Variants in FMN1 observed in about 807,000 individuals in gnomAD.
FMN1 encodes formin 1, also known as formin-1.
FMN1 carries 110 observed loss-of-function variants against 132.4 expected under a neutral mutation model. That is an observed-to-expected ratio of 0.83 (90% CI 0.71 to 0.97). The LOEUF (loss-of-function observed/expected upper bound fraction) is 0.97, where lower values mean the gene tolerates loss of function less well. FMN1 is among the 50% of genes least tolerant of loss of function. FMN1 has a pLI of 0.00. For missense variants in FMN1, 1,792 were observed against 1,705.3 expected, an observed-to-expected ratio of 1.05 and a Z score of -0.90; for synonymous variants, 722 against 651.7, an observed-to-expected ratio of 1.11 and a Z score of -1.64.
chr15:33,086,923 C>T (rs910044097), intron 5 of FMN1, among the ~76,000 whole-genome samples: 2 of 152,228 alleles, frequency 1.3e-5, no homozygotes, highest in African/African-American at 2.4e-5. Flanking sequence ...GGTTCTCCTG[C>T]TCTTTGATTG....
At chr15:33,099,812 A>G (rs968800086) in intron 4 of FMN1, among the ~76,000 whole-genome samples, 3 of 152,200 alleles carry the variant, frequency 2.0e-5, no homozygotes, top group Admixed American at 2.0e-4. Flanking sequence ...AAGTGGGAAT[A>G]TGGTATGAGT....
chr15:33,120,030 G>A (rs1385077974), intron 4 of FMN1, among the ~76,000 whole-genome samples: 1 of 152,122 alleles, frequency 6.6e-6, no homozygotes, highest in Non-Finnish European at 1.5e-5. Context: ...AATTTTAACA[G>A]GTGGGGAAAC....
chr15:32,928,229 A>G (rs1313110358), intron 9 of FMN1, among the ~76,000 whole-genome samples: 1 of 152,166 alleles, frequency 6.6e-6, no homozygotes, highest in Non-Finnish European at 1.5e-5. Flanking sequence ...GCATGTCAAT[A>G]TTCGCCTTAG....
At chr15:33,071,098 G>A (rs2037980931) in intron 5 of FMN1, among the ~76,000 whole-genome samples, 1 of 152,130 alleles carries the variant, frequency 6.6e-6, no homozygotes, top group Non-Finnish European at 1.5e-5. Context: ...GTCTTTAACT[G>A]GGATGTGAAG....
At chr15:32,913,018 G>C (rs55741843) in intron 10 of FMN1, among the ~76,000 whole-genome samples, 23,830 of 152,120 alleles carry the variant, frequency 0.16, 2,449 homozygotes, top group Non-Finnish European at 0.23. Context: ...TTAACATCTG[G>C]AAAGAGTTAG....
intron 5 of FMN1, among the ~76,000 whole-genome samples, chr15:33,074,671 G>A (rs895776722): frequency 6.6e-6 from 1 of 152,132 alleles, no homozygotes; most frequent in Admixed American, 6.5e-5. Context: ...AGACAGCAGT[G>A]GGTATGTAAT....
intron 5 of FMN1, among the ~76,000 whole-genome samples, chr15:33,080,687 G>C (rs1047052186): frequency 6.6e-5 from 10 of 152,118 alleles, no homozygotes; most frequent in Non-Finnish European, 1.0e-4. Flanking sequence ...GGGAGTTCAA[G>C]ACCAGCCTGA....
intron 17 of FMN1, among the ~76,000 whole-genome samples, chr15:32,849,803 C>A (rs2058965467): frequency 6.6e-6 from 1 of 152,116 alleles, no homozygotes; most frequent in Non-Finnish European, 1.5e-5. Context: ...ATTACAGGCG[C>A]ACACCACCAT....
chr15:32,953,223 TA>T (rs2061691624), intron 9 of FMN1, among the ~76,000 whole-genome samples: 1 of 152,226 alleles, frequency 6.6e-6, no homozygotes, highest in South Asian at 2.1e-4. Flanking sequence ...TGGCTTTTCG[TA>T]ACTTCTGGCA....
At chr15:33,036,973 G>T (rs1269381548) in intron 6 of FMN1, among the ~76,000 whole-genome samples, 1 of 152,222 alleles carries the variant, frequency 6.6e-6, no homozygotes, top group Non-Finnish European at 1.5e-5. Flanking sequence ...AGACAAAGGA[G>T]AATCCACCCT....
intron 6 of FMN1, among the ~76,000 whole-genome samples, chr15:33,059,470 T>C (rs1192761705): frequency 2.0e-5 from 3 of 152,212 alleles, no homozygotes; most frequent in Non-Finnish European, 2.9e-5. Flanking sequence ...GGAACTTCCA[T>C]ATAATTTTCC....
At position 33,022,710 on chromosome 15, in the gene FMN1, T is replaced by TGGCAGGCAG. The variant is rs530350287; in HGVS notation, c.2162-14644_2162-14636dup. 2.2e-4 allele frequency among the ~76,000 whole-genome samples: 33 copies of TGGCAGGCAG among 152,332 alleles called. No homozygotes were observed. The East Asian group carries it at 6.0e-3, about 28-fold the overall frequency. Reference sequence around the variant, plus strand: ...CTGGCCTGCTGTGCCCCAGTTCCTCTGGCAGGCAGGGCAGGCAGGACATCC... The same window carrying TGGCAGGCAG: ...CTGGCCTGCTGTGCCCCAGTTCCTCTGGCAGGCAGGGCAGGCAGGGCAGGCAGGACATCC... On this transcript the variant is annotated intron_variant, in intron 6 of 20. Transcript: ENST00000616417.
intron 6 of FMN1, among the ~76,000 whole-genome samples, chr15:33,056,384 C>G (rs1595368124): frequency 6.6e-6 from 1 of 152,142 alleles, no homozygotes; most frequent in South Asian, 2.1e-4. Context: ...CCCAGTGCAG[C>G]CATGTGGCAC....
At chr15:32,954,285 G>A (rs1334812692) in intron 9 of FMN1, among the ~76,000 whole-genome samples, 1 of 152,138 alleles carries the variant, frequency 6.6e-6, no homozygotes, top group Non-Finnish European at 1.5e-5. Context: ...TGTACCTATG[G>A]CTCATACAAT....
intron 5 of FMN1, chr15:33,067,657 A>G (rs2037807957): frequency 5.0e-6 from 8 of 1,614,036 alleles, no homozygotes; most frequent in Non-Finnish European, 6.8e-6. Context: ...GATCCAAGCC[A>G]TTGCTGGAAT....
intron 5 of FMN1, chr15:33,067,088 G>C (rs530159432): frequency 6.2e-7 from 1 of 1,613,872 alleles, no homozygotes; most frequent in African/African-American, 1.3e-5. Flanking sequence ...CTTCTCTCCA[G>C]AGACTTCTTT....
chr15:32,951,336 G>A (rs2061647869), intron 9 of FMN1, among the ~76,000 whole-genome samples: 2 of 151,990 alleles, frequency 1.3e-5, no homozygotes, highest in Non-Finnish European at 2.9e-5. Flanking sequence ...GCATTGGGTG[G>A]TTTTTTCTTG....
chr15:33,048,142 G>A (rs113509631), intron 6 of FMN1, among the ~76,000 whole-genome samples: 5 of 13,704 alleles, frequency 3.6e-4, no homozygotes, highest in East Asian at 2.8e-3. Context: ...AAATGTAAAC[G>A]TGGTCTAAAT....
chr15:32,848,972 C>CTTTGGTTTTTT (rs2058927855), intron 17 of FMN1, among the ~76,000 whole-genome samples: 1 of 68,628 alleles, frequency 1.5e-5, no homozygotes, highest in African/African-American at 5.5e-5. Flanking sequence ...GGTTAGTTCT[C>CTTTGGTTTTTT]TTTTGTTTTT....
Sources: gnomAD v4.1 joint callset for allele counts (sites outside exome capture counted in the v4.1 genomes callset) on GRCh38, gnomAD v4.1.1 for gene constraint, MANE v1.5 for transcripts, NCBI Gene and HGNC (gene_info 2026-07-23, HGNC 2026-07-21) for gene names.